The following NBPF11 variants were observed in gnomAD, a reference collection of about 807,000 sequenced individuals.
NBPF11 encodes the protein NBPF member 11.
Under a neutral mutation model 93.9 loss-of-function variants are expected in NBPF11, and 72 were observed. The observed-to-expected ratio is 0.77, with a 90% CI of 0.63 to 0.93. The LOEUF is 0.93. Among genes scored for constraint, NBPF11 ranks in the 40% least tolerant of loss-of-function variants. NBPF11 has a pLI of 0.00. For synonymous variants in NBPF11, 224 were observed against 304.9 expected, an observed-to-expected ratio of 0.73 and a Z score of 2.76; for missense variants, 705 against 802.2, an observed-to-expected ratio of 0.88 and a Z score of 1.46.
At chr1:148,150,627 C>T (rs1217490464) in intron 1 of NBPF11, among the ~76,000 whole-genome samples, 2 of 151,780 alleles carry the variant, frequency 1.3e-5, no homozygotes, top group Admixed American at 6.6e-5. Flanking sequence ...ACCAGCACAT[C>T]AGTTTTCCTT....
At chr1:148,124,671 C>G (rs1668670581) in intron 6 of NBPF11, among the ~76,000 whole-genome samples, 1 of 151,780 alleles carries the variant, frequency 6.6e-6, no homozygotes, top group South Asian at 2.1e-4. Context: ...AGTTTCACCT[C>G]AACAATTACT....
At chr1:148,133,410 G>A (rs1300962199) in intron 4 of NBPF11, among the ~76,000 whole-genome samples, 1 of 152,092 alleles carries the variant, frequency 6.6e-6, no homozygotes, top group African/African-American at 2.4e-5. Context: ...TAATAGAAAA[G>A]CATTCAATCT....
At chr1:148,145,208 T>C (rs1465891909) in intron 1 of NBPF11, among the ~76,000 whole-genome samples, 1 of 133,134 alleles carries the variant, frequency 7.5e-6, no homozygotes, top group Non-Finnish European at 1.6e-5. Context: ...TTTCTTTTTT[T>C]TTTTTTTTTT....
At chr1:148,108,702 C>A in intron 17 of NBPF11, 48 bp from the exon 18 acceptor site, 2 of 773,852 alleles carry the variant, frequency 2.6e-6, no homozygotes, top group Admixed American at 1.8e-5. Flanking sequence ...GAATCAGAAA[C>A]CACACAGCCC....
At chr1:148,129,020 G>A (rs1669723806) in intron 4 of NBPF11, among the ~76,000 whole-genome samples, 3 of 148,284 alleles carry the variant, frequency 2.0e-5, no homozygotes, top group Admixed American at 2.0e-4. Flanking sequence ...CTGGGGGAGG[G>A]ATAGCATTAG....
chr1:148,149,590 T>G, intron 1 of NBPF11: 1 of 1,591,422 alleles, frequency 6.3e-7, no homozygotes, highest in Non-Finnish European at 8.5e-7. Context: ...CAGCCGGACC[T>G]CAGCAATAAG....
In NBPF11 at chr1:148,126,105, A is replaced by G. The variant is rs1669043222; in HGVS notation, c.175+724T>C. Among the ~76,000 whole-genome samples the G allele has an allele frequency of 5.3e-5, 8 of 151,958 alleles. No individual in the cohort carries two copies. In the South Asian group the frequency reaches 1.7e-3, roughly 32 times the overall value. ...AACATCTGCCTGCTGGGTTCAAAGG[A>G]TTCTCCTGCCTCAGCCTCCCGATTA... On this transcript the variant is annotated intron_variant, in intron 5 of 23. Transcript: ENST00000682118.
intron 15 of NBPF11, among the ~76,000 whole-genome samples, chr1:148,111,021 C>T (rs1400613977): frequency 4.0e-5 from 6 of 151,366 alleles, no homozygotes; most frequent in African/African-American, 1.5e-4. Context: ...CAACATACTA[C>T]CAACAAATGG....
chr1:148,150,757 G>C (rs1405699537), intron 1 of NBPF11, among the ~76,000 whole-genome samples: 1 of 143,874 alleles, frequency 7.0e-6, no homozygotes. Flanking sequence ...AGGGAGTCTC[G>C]CTCTGTCACC....
At chr1:148,146,837 C>T in intron 1 of NBPF11, 1 of 1,613,838 alleles carries the variant, frequency 6.2e-7, no homozygotes, top group Non-Finnish European at 8.5e-7. Context: ...TACGACTCCT[C>T]CGGCTACGGT....
intron 1 of NBPF11, chr1:148,146,708 G>GCTGCGTGC (rs1673168082): frequency 6.2e-7 from 1 of 1,611,842 alleles, no homozygotes; most frequent in Admixed American, 1.7e-5. Context: ...ATGTATGTTC[G>GCTGCGTGC]CTGCGTGCCT....
Position 148,122,131 on chromosome 1 carries a change from G to C in NBPF11, c.702C>G (p.Asp234Glu), listed in dbSNP as rs1668022886. The C allele has an allele frequency of 1.9e-6, 3 of 1,613,266 alleles. No homozygotes were observed. The highest frequency in any genetic ancestry group is 2.2e-5 in the East Asian group (1 of 44,892). ...HKNIKITFEE[D>E]KVNSSLVVDR... ...CTACAACCAGAGATGAGTTGACTTTGTCTTCCTCAAATGTGATTTTGATGT... is the reference window on the plus strand; with the variant it reads ...CTACAACCAGAGATGAGTTGACTTTCTCTTCCTCAAATGTGATTTTGATGT... The change falls in exon 9 of 24, where the codon GAC becomes GAG. Residue 234 changes from aspartate to glutamate, a missense_variant. Transcript: ENST00000682118.
At chr1:148,111,680 G>A (rs1280191796) in intron 15 of NBPF11, among the ~76,000 whole-genome samples, 6 of 151,668 alleles carry the variant, frequency 4.0e-5, no homozygotes, top group Non-Finnish European at 8.8e-5. Flanking sequence ...TTAGTGAAAT[G>A]AAGCGAGAAG....
At chr1:148,124,596 C>A (rs1371303869) in intron 6 of NBPF11, among the ~76,000 whole-genome samples, 1 of 151,598 alleles carries the variant, frequency 6.6e-6, no homozygotes, top group Non-Finnish European at 1.5e-5. Context: ...CAATAGCACA[C>A]CATTTTGATT....
At position 148,106,311 on chromosome 1, in the gene NBPF11, A is replaced by G; in HGVS notation, c.2252-79T>C. On this transcript the variant is annotated intron_variant, in intron 20 of 23. Transcript: ENST00000682118. Reference sequence around the variant, plus strand: ...TAACAGTCCACTGTCTAATCCCCACACAGGGATCTCAGGCTCCTCAGCATG... The same window carrying G: ...TAACAGTCCACTGTCTAATCCCCACGCAGGGATCTCAGGCTCCTCAGCATG... 3 of 682,860 alleles carry G rather than the reference A, an allele frequency of 4.4e-6. No individual in the cohort carries two copies. In the South Asian group the frequency reaches 4.8e-5, roughly 11 times the overall value. The allele number at this position is 682,860 out of a possible 1,614,324, so 42.3% of individuals were successfully genotyped here.
At position 148,121,803 on chromosome 1, in the gene NBPF11, G is replaced by T. The variant is rs1667935368; in HGVS notation, c.778+252C>A. Among the ~76,000 whole-genome samples the T allele has an allele frequency of 2.0e-5, 3 of 152,084 alleles. No homozygotes were observed. The South Asian group carries it at 6.2e-4, about 32-fold the overall frequency. ...ACTATAGGCGGGCAGCACCATGCCT[G>T]CCTAATTTTTTGTATTCTTCGTAAA... On this transcript the variant is annotated intron_variant, in intron 9 of 23. Transcript: ENST00000682118.
chr1:148,118,564 G>A, intron 11 of NBPF11, 56 bp downstream of exon 11: 1 of 1,560,180 alleles, frequency 6.4e-7, no homozygotes, highest in East Asian at 2.2e-5. Flanking sequence ...CTGAGCTACT[G>A]TACTTCAGAG....
intron 1 of NBPF11, chr1:148,149,670 A>G: frequency 1.0e-6 from 1 of 991,790 alleles, no homozygotes; most frequent in East Asian, 2.6e-5. Flanking sequence ...CGGGCGGCCC[A>G]GGGGACCCCG....
chr1:148,143,874 T>C (rs1378446405), intron 1 of NBPF11, among the ~76,000 whole-genome samples, 188 bp from the exon 2 acceptor site: 7 of 148,950 alleles, frequency 4.7e-5, no homozygotes, highest in African/African-American at 1.3e-4. Context: ...CTGTGCAACA[T>C]AGTAAGACCC....
Sources: allele counts gnomAD v4.1 joint callset (sites outside exome capture counted in the v4.1 genomes callset), GRCh38; gene constraint gnomAD v4.1.1; transcripts MANE v1.5; gene names NCBI Gene and HGNC (gene_info 2026-07-23, HGNC 2026-07-21).